Variants in ZNF728 observed in about 807,000 individuals in gnomAD.
ZNF728 encodes zinc finger protein 728.
Under a neutral mutation model 12.5 loss-of-function variants are expected in ZNF728, and 12 were observed. The observed-to-expected ratio is 0.96, with a 90% CI of 0.61 to 1.55. The LOEUF (loss-of-function observed/expected upper bound fraction) is 1.55. Among genes scored for constraint, ZNF728 ranks in the 40% most tolerant of loss-of-function variants. The pLI is 0.00. For synonymous variants in ZNF728, 205 were observed against 240.7 expected (o/e 0.85, Z 1.37); for missense variants, 692 against 719.2 (o/e 0.96, Z 0.43).
chr19:22,990,010 G>C (rs1459996811), intron 1 of ZNF728, among the ~76,000 whole-genome samples: 1 of 152,080 alleles, frequency 6.6e-6, no homozygotes, highest in African/African-American at 2.4e-5. Context: ...AAATATTGCA[G>C]ATTATAAAAT....
rs1375025182 is a variant in ZNF728 at position 22,975,009 on chromosome 19, C to T, written c.*459G>A. ...TCTCCAGTATGAGATATCTTACCTA[C>T]AATCAAGTGTGACAGCCATTTAAAG... On this transcript the variant is annotated 3_prime_UTR_variant, in exon 4 of 4. Coordinates refer to ENST00000594710, the MANE Select transcript of ZNF728 (RefSeq NM_001267716.2). Among the ~76,000 whole-genome samples the T allele has an allele frequency of 6.6e-6, 1 of 152,158 alleles. No individual in the cohort carries two copies. Among genetic ancestry groups the T allele is most frequent in the African/African-American group, 2.4e-5 (1 of 41,444 alleles).
chr19:22,989,116 T>C (rs1160356465), intron 1 of ZNF728, among the ~76,000 whole-genome samples: 1 of 151,000 alleles, frequency 6.6e-6, no homozygotes, highest in Non-Finnish European at 1.5e-5. Flanking sequence ...AAAGACATAG[T>C]TGTGTATATT....
rs570933680 is a variant in ZNF728 at position 23,000,910 on chromosome 19, C to CA, written c.3+2117dup. 3.0e-3 allele frequency among the ~76,000 whole-genome samples: 402 copies of CA among 135,460 alleles called. 1 individual carries two copies. The highest frequency in any genetic ancestry group is 0.01 in the African/African-American group (382 of 36,440). 88.9% of individuals were successfully genotyped at this position (135,460 alleles called of 152,430 possible). A position where few individuals can be genotyped will look rare whatever the true frequency, so the allele number is the denominator to read the frequency against. On this transcript the variant is annotated intron_variant, in intron 1 of 3. Transcript: ENST00000594710. ...ACCAAAAAAAAAAAAACCCTGAGGTCAAAATAAGTGAACAATGCATTTAAT... is the reference window on the plus strand; with the variant it reads ...ACCAAAAAAAAAAAAACCCTGAGGTCAAAAATAAGTGAACAATGCATTTAAT...
At chr19:22,985,600 T>A (rs1231121550) in intron 3 of ZNF728, 3 of 152,224 alleles carry the variant, frequency 2.0e-5, no homozygotes, top group African/African-American at 7.2e-5. Context: ...TGCTCTTGAC[T>A]ACAGACCAGA....
chr19:22,976,435 G>C lies in ZNF728; in HGVS notation c.902C>G (p.Ala301Gly). Residue 301 changes from alanine to glycine, a missense_variant, in exon 4 of 4, where the codon GCA becomes GGA. Physicochemically the swap from Ala to Gly is moderately conservative, Grantham distance 60. Coordinates refer to ENST00000594710, the MANE Select transcript of ZNF728 (RefSeq NM_001267716.2). ...KAFSKASTLT[A>G]HKTIHAGEKP... ...CTCTCCAGCATGAATTGTCTTATGT[G>C]CAGTAAGGGTTGAGGCCTTACTAAA... 1 of 1,596,584 alleles carries C rather than the reference G, an allele frequency of 6.3e-7. No homozygotes were observed. Among genetic ancestry groups the C allele is most frequent in the Non-Finnish European group, 8.5e-7 (1 of 1,174,158 alleles).
At chr19:23,000,373 G>A (rs1300161064) in intron 1 of ZNF728, among the ~76,000 whole-genome samples, 2 of 148,564 alleles carry the variant, frequency 1.3e-5, no homozygotes, top group Non-Finnish European at 3.0e-5. Flanking sequence ...GCAAGACTCT[G>A]CCTCAAAAAA....
At chr19:23,002,995 ACT>A (rs1388429485) in intron 1 of ZNF728, 31 bp downstream of exon 1, 17 of 1,584,194 alleles carry the variant, frequency 1.1e-5, no homozygotes, top group Non-Finnish European at 1.4e-5. Flanking sequence ...AGCGGCTGCC[ACT>A]CTCTCGGGAT....
chr19:22,982,175 T>A (rs139607610), intron 3 of ZNF728, among the ~76,000 whole-genome samples: 2,824 of 152,254 alleles, frequency 0.019, 87 homozygotes, highest in African/African-American at 0.064. Flanking sequence ...TTCAGCAAAG[T>A]CTCAGGACAC....
At chr19:22,977,745 T>C (rs1968821762) in intron 3 of ZNF728, among the ~76,000 whole-genome samples, 1 of 152,164 alleles carries the variant, frequency 6.6e-6, no homozygotes, top group South Asian at 2.1e-4. Flanking sequence ...CTGAAGATGT[T>C]TGAGAGACCC....
intron 1 of ZNF728, among the ~76,000 whole-genome samples, chr19:22,992,159 A>G (rs1006324865): frequency 3.9e-5 from 6 of 152,344 alleles, no homozygotes; most frequent in African/African-American, 1.2e-4. Flanking sequence ...CATATGATGT[A>G]TAATTCAACC....
intron 2 of ZNF728, among the ~76,000 whole-genome samples, chr19:22,987,749 A>C (rs1968933685): frequency 6.6e-6 from 1 of 152,218 alleles, no homozygotes; most frequent in African/African-American, 2.4e-5. Flanking sequence ...AAACATCTTG[A>C]AATTTTTTTC....
At chr19:22,977,238 TCA>T (rs1968816908) in intron 3 of ZNF728, 128 bp from the exon 4 acceptor site, 1 of 856,846 alleles carries the variant, frequency 1.2e-6, no homozygotes, top group Non-Finnish European at 1.7e-6. Context: ...CCCTAATTCT[TCA>T]CAGACATATA....
chr19:22,991,176 G>T (rs1968983556), intron 1 of ZNF728, among the ~76,000 whole-genome samples: 1 of 152,212 alleles, frequency 6.6e-6, no homozygotes. Context: ...ATAGAAAGCA[G>T]CAATTTCTGA....
chr19:22,975,339 T>C lies in ZNF728; in HGVS notation c.*129A>G. On this transcript the variant is annotated 3_prime_UTR_variant, in exon 4 of 4. Transcript: ENST00000594710. ...ATTCCCTCCAGTATGAATTACCTTA[T>C]GTTTAGTAAGGATTGAGGAACAGTT... 1 of 844,748 alleles carries C rather than the reference T, an allele frequency of 1.2e-6. No individual in the cohort carries two copies. The allele number at this position is 844,748 out of a possible 1,614,324, so 52.3% of individuals were successfully genotyped here.
chr19:22,993,567 C>T (rs1969014223), intron 1 of ZNF728, among the ~76,000 whole-genome samples: 1 of 152,026 alleles, frequency 6.6e-6, no homozygotes, highest in Non-Finnish European at 1.5e-5. Flanking sequence ...CTGGAATCCA[C>T]GCTTTCATTA....
intron 1 of ZNF728, among the ~76,000 whole-genome samples, chr19:22,992,826 A>G (rs755649357): frequency 1.3e-5 from 2 of 152,170 alleles, no homozygotes; most frequent in Non-Finnish European, 1.5e-5. Context: ...AATGTCTCAA[A>G]GATTCAGAGG....
At position 22,976,179 on chromosome 19, in the gene ZNF728, G is replaced by C. The variant is rs751834032; in HGVS notation, c.1158C>G (p.His386Gln). 6 of 1,576,040 alleles carry C rather than the reference G, an allele frequency of 3.8e-6. No individual in the cohort carries two copies. The East Asian group carries it at 1.2e-4, about 30-fold the overall frequency. ...AFSWPSSLTE[H>Q]KRIHAGDKPY... is the part of the protein sequence containing the mutation. ...GTTTGTCTCCAGCATGAATTCTCTT[G>C]TGTTCAGTAAGGCTTGAGGGCCAGC... The change falls in exon 4 of 4, where the codon CAC (histidine) becomes CAG (glutamine). Residue 386 changes from histidine (H) to glutamine (Q), a missense_variant. Physicochemically the swap from His to Gln is conservative, Grantham distance 24 (BLOSUM62 0). Transcript: ENST00000594710.
intron 1 of ZNF728, among the ~76,000 whole-genome samples, chr19:22,996,615 A>AT (rs1175011329): frequency 1.3e-5 from 1 of 77,518 alleles, no homozygotes; most frequent in African/African-American, 1.3e-4. Context: ...AAAGAAAGAT[A>AT]AAAAAATATA....
chr19:22,993,107 C>T (rs752215262), intron 1 of ZNF728, among the ~76,000 whole-genome samples: 6 of 152,188 alleles, frequency 3.9e-5, no homozygotes, highest in Non-Finnish European at 5.9e-5. Flanking sequence ...TGCTTGTTTA[C>T]ACTTAGAGAT....
Sources: allele counts gnomAD v4.1 joint callset (sites outside exome capture counted in the v4.1 genomes callset), GRCh38; gene constraint gnomAD v4.1.1; transcripts MANE v1.5; gene names NCBI Gene and HGNC (gene_info 2026-07-23, HGNC 2026-07-21).